Variants in NCOA4 observed in about 807,000 individuals in gnomAD.
The protein encoded by NCOA4 is nuclear receptor coactivator 4.
NCOA4 carries 31 observed loss-of-function variants against 69.5 expected under a neutral mutation model. The ratio of observed to expected loss-of-function variants is 0.45; its 90% CI spans 0.34 to 0.60. The LOEUF is 0.60. Among genes scored for constraint, NCOA4 ranks in the 20% least tolerant of loss-of-function variants. The probability of loss-of-function intolerance (pLI) is 0.02; values close to 1 mark genes in which losing one functional copy is unlikely to be tolerated. For synonymous variants in NCOA4, 228 were observed against 252.4 expected (o/e 0.90, Z 0.92); for missense variants, 600 against 719.2 (o/e 0.83, Z 1.90).
chr10:46,009,351 C>T (rs2132315245), intron 9 of NCOA4, 60 bp downstream of exon 9: 1 of 1,567,904 alleles, frequency 6.4e-7, no homozygotes, highest in Non-Finnish European at 8.7e-7. Flanking sequence ...ATATGTAAGA[C>T]AAAACATTTA....
chr10:46,017,390 T>C (rs1192074945), intron 1 of NCOA4, among the ~76,000 whole-genome samples: 2 of 151,940 alleles, frequency 1.3e-5, no homozygotes, highest in African/African-American at 2.4e-5. Flanking sequence ...CTACAAAATA[T>C]AAAAATTAGC....
At chr10:46,027,656 A>G in intron 1 of NCOA4, 4 of 610,722 alleles carry the variant, frequency 6.5e-6, no homozygotes, top group South Asian at 6.2e-5. Flanking sequence ...ACTTAACCCA[A>G]TGCATACATA....
chr10:46,009,410 C>A lies in NCOA4; in HGVS notation c.1839+1G>T, dbSNP rs1554920542. 1 of 1,611,164 alleles carries A rather than the reference C, an allele frequency of 6.2e-7. No individual in the cohort carries two copies. The highest frequency in any genetic ancestry group is 1.1e-5 in the South Asian group (1 of 90,404). ...TTTTCATGCTGGTGGCATGTACCCA[C>A]CTGTAGAGGAGTTCGATATAACCAC... On this transcript the variant is annotated splice_donor_variant, in intron 9 of 9. Coordinates refer to ENST00000581486, the MANE Select transcript of NCOA4 (RefSeq NM_001145263.2). LOFTEE classifies it high-confidence loss of function.
At chr10:46,006,864 T>C (rs1420434374) in intron 9 of NCOA4, among the ~76,000 whole-genome samples, 3 of 152,192 alleles carry the variant, frequency 2.0e-5, no homozygotes, top group African/African-American at 4.8e-5. Context: ...CAAAACAAGA[T>C]TGAAATTAGG....
At chr10:46,006,927 C>G (rs1838857112) in intron 9 of NCOA4, among the ~76,000 whole-genome samples, 1 of 152,044 alleles carries the variant, frequency 6.6e-6, no homozygotes. Context: ...AGGAATAGTC[C>G]CCATCTCTCA....
intron 1 of NCOA4, among the ~76,000 whole-genome samples, chr10:46,021,730 T>C (rs1304236291): frequency 6.6e-6 from 1 of 152,042 alleles, no homozygotes; most frequent in Non-Finnish European, 1.5e-5. Flanking sequence ...GAGGCCAAGG[T>C]GGGCGGATCA....
chr10:46,016,558 A>C lies in NCOA4; in HGVS notation c.123T>G (p.Ile41Met). ...IGGVLRAEQQIKDNLREVKAQ... is the reference protein window; with the variant it reads ...IGGVLRAEQQMKDNLREVKAQ... The stretch of plus-strand genomic sequence containing the variant: ...GTCACACCTCTCGCAAGTTATCTTT[A>C]ATTTGCTGTTCAGCCCGGAGAACTC... Residue 41 changes from isoleucine to methionine, a missense_variant, in exon 2 of 10, where the codon ATT (isoleucine) becomes ATG (methionine). By Grantham distance (10) the Ile-to-Met change is conservative. Transcript: ENST00000581486. The C allele has an allele frequency of 2.0e-6, 3 of 1,528,478 alleles. No individual in the cohort carries two copies. The highest frequency in any genetic ancestry group is 1.8e-6 in the Non-Finnish European group (2 of 1,129,142). 94.7% of individuals were successfully genotyped at this position (1,528,478 alleles called of 1,614,324 possible). A position where few individuals can be genotyped will look rare whatever the true frequency, so the allele number is the denominator to read the frequency against.
At chr10:46,007,483 A>T (rs1838900001) in intron 9 of NCOA4, among the ~76,000 whole-genome samples, 1 of 152,108 alleles carries the variant, frequency 6.6e-6, no homozygotes, top group Non-Finnish European at 1.5e-5. Flanking sequence ...CTATTGGAAG[A>T]AGTAGTCATC....
chr10:46,010,380 G>C lies in NCOA4; in HGVS notation c.1541C>G (p.Thr514Ser). The C allele has an allele frequency of 6.2e-7, 1 of 1,614,140 alleles. No individual in the cohort carries two copies. ...KEGSPKEVPGTEDRAGKQKFK... is the reference protein window; with the variant it reads ...KEGSPKEVPGSEDRAGKQKFK... ...CTTCTGTTTGCCAGCTCTGTCTTCAGTACCAGGCACTTCCTTGGGACTTCC... is the reference window on the plus strand; with the variant it reads ...CTTCTGTTTGCCAGCTCTGTCTTCACTACCAGGCACTTCCTTGGGACTTCC... The change falls in exon 8 of 10, where the codon ACT (threonine) becomes AGT (serine). Residue 514 changes from threonine (T) to serine (S), a missense_variant. Transcript: ENST00000581486.
chr10:46,014,385 G>T, intron 5 of NCOA4, 59 bp downstream of exon 5: 1 of 1,242,102 alleles, frequency 8.1e-7, no homozygotes, highest in South Asian at 1.3e-5. Flanking sequence ...TTTTTTTTAA[G>T]ACCAGCTGTG....
At chr10:46,022,712 G>A (rs1016047045) in intron 1 of NCOA4, among the ~76,000 whole-genome samples, 2 of 151,962 alleles carry the variant, frequency 1.3e-5, no homozygotes, top group Non-Finnish European at 2.9e-5. Context: ...TGATCCGCCC[G>A]CCTCGGCCTC....
chr10:46,012,381 A>G (rs1839286328), intron 7 of NCOA4, among the ~76,000 whole-genome samples: 1 of 152,140 alleles, frequency 6.6e-6, no homozygotes, highest in Non-Finnish European at 1.5e-5. Context: ...CTAATCAAGA[A>G]TGCACACAAA....
intron 2 of NCOA4, 30 bp downstream of exon 2, chr10:46,016,510 G>T: frequency 1.4e-6 from 2 of 1,414,590 alleles, no homozygotes; most frequent in Non-Finnish European, 1.9e-6. Context: ...CAAGAGTCCA[G>T]ACAACAGAAG....
chr10:46,019,438 T>C (rs1839745366), intron 1 of NCOA4: 2 of 985,344 alleles, frequency 2.0e-6, no homozygotes, highest in African/African-American at 1.7e-5. Flanking sequence ...TTCAAATGTG[T>C]TACCCAGCCT....
At position 46,011,134 on chromosome 10, in the gene NCOA4, TGAG is replaced by T. The variant is rs781990183; in HGVS notation, c.784_786del (p.Leu262del). The T allele has an allele frequency of 1.4e-5, 23 of 1,613,052 alleles. 1 individual carries two copies. Among genetic ancestry groups the T allele is most frequent in the Non-Finnish European group, 1.9e-5 (23 of 1,179,632 alleles). On this transcript the variant is annotated inframe_deletion, in exon 8 of 10. Transcript: ENST00000581486. Reference sequence around the variant, plus strand: ...TTTTGATAACTTGATTTTTCACTCTTGAGGAGCCAGTTTTCTAAGCCCTTTAGG... The same window carrying T: ...TTTTGATAACTTGATTTTTCACTCTTGAGCCAGTTTTCTAAGCCCTTTAGG...
chr10:46,010,398 G>A lies in NCOA4; in HGVS notation c.1523C>T (p.Pro508Leu). ...LIRPPYKEGS[P>L]KEVPGTEDRA... is the part of the protein sequence containing the mutation. ...GTCTTCAGTACCAGGCACTTCCTTG[G>A]GACTTCCTTCTTTGTATGGGGGCCT... The change falls in exon 8 of 10, where the codon CCC (proline) becomes CTC (leucine). Residue 508 changes from proline (P) to leucine (L), a missense_variant. Coordinates refer to ENST00000581486, the MANE Select transcript of NCOA4 (RefSeq NM_001145263.2). 1 of 1,614,054 alleles carries A rather than the reference G, an allele frequency of 6.2e-7. No individual in the cohort carries two copies. The highest frequency in any genetic ancestry group is 8.5e-7 in the Non-Finnish European group (1 of 1,180,002).
At chr10:46,015,043 T>C (rs1839456023) in intron 3 of NCOA4, 83 bp downstream of exon 3, 1 of 1,598,138 alleles carries the variant, frequency 6.3e-7, no homozygotes, top group Non-Finnish European at 8.6e-7. Context: ...ATCTGATCTA[T>C]ATTAACACTG....
At chr10:46,020,083 G>A (rs782367219) in intron 1 of NCOA4, among the ~76,000 whole-genome samples, 3 of 152,194 alleles carry the variant, frequency 2.0e-5, no homozygotes, top group Non-Finnish European at 4.4e-5. Context: ...CCAACCATGG[G>A]TGAATTCAAA....
chr10:46,028,125 C>A (rs965186179), intron 1 of NCOA4, among the ~76,000 whole-genome samples: 1 of 152,172 alleles, frequency 6.6e-6, no homozygotes, highest in Non-Finnish European at 1.5e-5. Flanking sequence ...TGCCTCAGGG[C>A]CCTTGCGCTT....
Sources: allele counts gnomAD v4.1 joint callset (sites outside exome capture counted in the v4.1 genomes callset), GRCh38; gene constraint gnomAD v4.1.1; transcripts MANE v1.5; gene names NCBI Gene and HGNC (gene_info 2026-07-23, HGNC 2026-07-21).